Variants in PCDHA11 observed in about 807,000 individuals in gnomAD.
PCDHA11 encodes the protein protocadherin alpha-11.
PCDHA11 carries 61 observed loss-of-function variants against 70.3 expected under a neutral mutation model. That is an observed-to-expected ratio of 0.87 (90% CI 0.71 to 1.07). The LOEUF (loss-of-function observed/expected upper bound fraction) is 1.07, where lower values mean the gene tolerates loss of function less well. Ranked by LOEUF, PCDHA11 falls within the 50% of genes least tolerant of loss-of-function variation. PCDHA11 has a pLI of 0.00. For synonymous variants in PCDHA11, 633 were observed against 555.1 expected (o/e 1.14, Z -1.97); for missense variants, 1,324 against 1,237.5 (o/e 1.07, Z -1.05).
chr5:140,959,300 C>T (rs887685405), intron 1 of PCDHA11, among the ~76,000 whole-genome samples: 11 of 151,854 alleles, frequency 7.2e-5, no homozygotes, highest in African/African-American at 2.7e-4. Flanking sequence ...TCACTGAGCC[C>T]GGTGGTTGAA....
At chr5:140,941,255 C>CTTTCTTTCTTTCTCTT (rs782490896) in intron 1 of PCDHA11, among the ~76,000 whole-genome samples, 1 of 44,508 alleles carries the variant, frequency 2.2e-5, no homozygotes, top group East Asian at 7.5e-4. Context: ...TTCTTTCTTT[C>CTTTCTTTCTTTCTCTT]TCTTTCTTTC....
At chr5:141,001,122 TAAAC>T (rs1274933487) in intron 3 of PCDHA11, among the ~76,000 whole-genome samples, 1 of 152,154 alleles carries the variant, frequency 6.6e-6, no homozygotes, top group African/African-American at 2.4e-5. Flanking sequence ...CAATAGTCCT[TAAAC>T]AAATGAATCT....
intron 1 of PCDHA11, among the ~76,000 whole-genome samples, chr5:140,941,011 C>T (rs1554213684): frequency 6.6e-6 from 1 of 152,124 alleles, no homozygotes; most frequent in African/African-American, 2.4e-5. Context: ...TTTTCCTTTC[C>T]TATTTTCCTT....
chr5:140,999,812 G>A (rs1305602487), intron 3 of PCDHA11, among the ~76,000 whole-genome samples: 2 of 152,270 alleles, frequency 1.3e-5, no homozygotes, highest in East Asian at 3.9e-4. Flanking sequence ...CACAAAGCAA[G>A]AGCTGTGGCT....
At chr5:140,911,088 C>T (rs1447899502) in intron 1 of PCDHA11, among the ~76,000 whole-genome samples, 3 of 152,092 alleles carry the variant, frequency 2.0e-5, no homozygotes, top group African/African-American at 7.2e-5. Flanking sequence ...ATTATCTTGC[C>T]TGGCAACTGC....
At chr5:140,977,588 A>G (rs1237547807) in intron 1 of PCDHA11, among the ~76,000 whole-genome samples, 1 of 152,182 alleles carries the variant, frequency 6.6e-6, no homozygotes, top group Non-Finnish European at 1.5e-5. Context: ...GAGAGCAGTT[A>G]GCATGTGAGG....
At position 140,946,611 on chromosome 5, in the gene PCDHA11, A is replaced by AATATATATATATATATAT. The variant is rs1554217734; in HGVS notation, c.2392-32334_2392-32317dup. Among the ~76,000 whole-genome samples, 487 of 86,718 alleles carry AATATATATATATATATAT rather than the reference A, an allele frequency of 5.6e-3. 17 individuals are homozygous for AATATATATATATATATAT. The highest frequency in any genetic ancestry group is 0.01 in the African/African-American group (158 of 15,660). 56.9% of individuals were successfully genotyped at this position (86,718 alleles called of 152,430 possible). The stretch of plus-strand genomic sequence containing the variant: ...GGATGAATAGATAAAGAAAATGTGA[A>AATATATATATATATATAT]ATATATATATATATATATATACAAT... On this transcript the variant is annotated intron_variant, in intron 1 of 3. Coordinates refer to ENST00000398640, the MANE Select transcript of PCDHA11 (RefSeq NM_018902.5).
chr5:140,989,552 G>A (rs975079697), intron 3 of PCDHA11, among the ~76,000 whole-genome samples: 33 of 152,180 alleles, frequency 2.2e-4, no homozygotes, highest in African/African-American at 7.7e-4. Context: ...ATTCCTTTAC[G>A]TTTTGTGGCT....
At position 140,871,046 on chromosome 5, in the gene PCDHA11, T is replaced by C; in HGVS notation, c.1943T>C (p.Val648Ala). The change falls in exon 1 of 4, where the codon GTA becomes GCA. Residue 648 changes from valine to alanine, a missense_variant. Physicochemically the swap from Val to Ala is moderately conservative, Grantham distance 64 (BLOSUM62 0). Coordinates refer to ENST00000398640, the MANE Select transcript of PCDHA11 (RefSeq NM_018902.5). ...EADSPRHRLL[V>A]LVKDHGEPAL... ...GACTCGCCGCGCCACCGACTTCTAG[T>C]ACTGGTGAAGGATCACGGTGAGCCG... is the stretch of plus-strand genomic sequence containing the variant. The C allele has an allele frequency of 6.2e-7, 1 of 1,613,310 alleles. No individual in the cohort carries two copies. The highest frequency in any genetic ancestry group is 8.5e-7 in the Non-Finnish European group (1 of 1,179,850).
intron 1 of PCDHA11, among the ~76,000 whole-genome samples, chr5:140,901,408 T>A (rs2068650771): frequency 6.6e-6 from 1 of 152,190 alleles, no homozygotes; most frequent in African/African-American, 2.4e-5. Flanking sequence ...GAGATAGGGG[T>A]CTAGTTTCAT....
chr5:140,948,158 A>C lies in PCDHA11; in HGVS notation c.2392-30791A>C, dbSNP rs191151506. On this transcript the variant is annotated intron_variant, in intron 1 of 3. Transcript: ENST00000398640. The stretch of plus-strand genomic sequence containing the variant: ...TAATTGATTTTTGAATGTTGGAAAA[A>C]ACCTTCCATTCCTAGGGTAAATCCC... Among the ~76,000 whole-genome samples the C allele has an allele frequency of 2.8e-3, 418 of 151,676 alleles. 1 individual carries two copies. The highest frequency in any genetic ancestry group is 0.014 in the Middle Eastern group (4 of 294).
At chr5:140,947,171 A>G (rs2094098405) in intron 1 of PCDHA11, among the ~76,000 whole-genome samples, 2 of 151,546 alleles carry the variant, frequency 1.3e-5, no homozygotes, top group Non-Finnish European at 3.0e-5. Context: ...AAAATGTGGT[A>G]TATATTCATG....
At chr5:140,874,305 A>G (rs2054830761) in intron 1 of PCDHA11, among the ~76,000 whole-genome samples, 1 of 152,116 alleles carries the variant, frequency 6.6e-6, no homozygotes, top group Non-Finnish European at 1.5e-5. Context: ...CTTGTTCACA[A>G]TGAGTTGTAG....
At position 140,993,525 on chromosome 5, in the gene PCDHA11, G is replaced by C. The variant is rs573802745; in HGVS notation, c.2539+10962G>C. On this transcript the variant is annotated intron_variant, in intron 3 of 3. Coordinates refer to ENST00000398640, the MANE Select transcript of PCDHA11 (RefSeq NM_018902.5). Reference sequence around the variant, plus strand: ...ACACACACACGGGGAGAGAGAGACAGAGAGAGAGAGAGATAGAGAAGTGAA... The same window carrying C: ...ACACACACACGGGGAGAGAGAGACACAGAGAGAGAGAGATAGAGAAGTGAA... Among the ~76,000 whole-genome samples the C allele has an allele frequency of 4.8e-5, 7 of 147,308 alleles. No homozygotes were observed. The East Asian group carries it at 1.2e-3, about 24-fold the overall frequency.
chr5:140,876,515 C>G (rs782705478), intron 1 of PCDHA11: 4 of 1,613,960 alleles, frequency 2.5e-6, no homozygotes, highest in Non-Finnish European at 3.4e-6. Flanking sequence ...GACAATGTCC[C>G]TGAAGTAATG....
At chr5:140,928,657 G>T in intron 1 of PCDHA11, 1 of 1,614,220 alleles carries the variant, frequency 6.2e-7, no homozygotes, top group Admixed American at 1.7e-5. Flanking sequence ...AGAGGATGCT[G>T]ACAGTGGTTC....
rs1012417649 is a variant in PCDHA11 at position 141,010,189 on chromosome 5, T to C, written c.*252T>C. On this transcript the variant is annotated 3_prime_UTR_variant, in exon 4 of 4. Coordinates refer to ENST00000398640, the MANE Select transcript of PCDHA11 (RefSeq NM_018902.5). ...AGAACCTAAAAAGCAGACCCAAGTT[T>C]CCTTTCTCCTCCGCCGCAAAGGAGA... 6 of 1,552,498 alleles carry C rather than the reference T, an allele frequency of 3.9e-6. No individual in the cohort carries two copies. Among genetic ancestry groups the C allele is most frequent in the Middle Eastern group, 1.7e-4 (1 of 5,994 alleles).
intron 1 of PCDHA11, among the ~76,000 whole-genome samples, chr5:140,914,715 T>A (rs1554196547): frequency 6.6e-6 from 1 of 152,162 alleles, no homozygotes; most frequent in Non-Finnish European, 1.5e-5. Flanking sequence ...TTCTTGTTTT[T>A]TATTTTTTGT....
At chr5:141,003,094 A>G (rs2098111645) in intron 3 of PCDHA11, among the ~76,000 whole-genome samples, 1 of 152,230 alleles carries the variant, frequency 6.6e-6, no homozygotes, top group African/African-American at 2.4e-5. Flanking sequence ...CAGGCCTGGC[A>G]TTTGCTTCAC....
Sources: gnomAD v4.1 joint callset for allele counts (sites outside exome capture counted in the v4.1 genomes callset) on GRCh38, gnomAD v4.1.1 for gene constraint, MANE v1.5 for transcripts, NCBI Gene and HGNC (gene_info 2026-07-23, HGNC 2026-07-21) for gene names.